Variants in NPFFR2 observed in about 807,000 individuals in gnomAD.
The protein encoded by NPFFR2 is G-protein coupled receptor 74.
Under a neutral mutation model 13.1 loss-of-function variants are expected in NPFFR2, and 15 were observed. That is an observed-to-expected ratio of 1.15 (90% CI 0.77 to 1.76). The LOEUF (loss-of-function observed/expected upper bound fraction) is 1.76, where lower values mean the gene tolerates loss of function less well. NPFFR2 is among the 40% of genes most tolerant of loss of function. The pLI, the probability that NPFFR2 is intolerant of heterozygous loss-of-function variation, is 0.00. For missense variants in NPFFR2, 572 were observed against 503.5 expected, an observed-to-expected ratio of 1.14 and a Z score of -1.30; for synonymous variants, 190 against 175.7, an observed-to-expected ratio of 1.08 and a Z score of -0.65.
At chr4:72,037,520 G>T (rs1349449511) in intron 1 of NPFFR2, among the ~76,000 whole-genome samples, 1 of 151,938 alleles carries the variant, frequency 6.6e-6, no homozygotes, top group Non-Finnish European at 1.5e-5. Flanking sequence ...GTCTTTCTAG[G>T]ATCACATCTT....
intron 1 of NPFFR2, among the ~76,000 whole-genome samples, chr4:72,038,358 T>C (rs1169422706): frequency 6.6e-6 from 1 of 152,174 alleles, no homozygotes; most frequent in Non-Finnish European, 1.5e-5. Flanking sequence ...ACAGTATGCT[T>C]TCATATTTAT....
chr4:72,143,781 G>A (rs1181673370), intron 3 of NPFFR2, among the ~76,000 whole-genome samples: 3 of 152,242 alleles, frequency 2.0e-5, no homozygotes, highest in East Asian at 1.9e-4. Flanking sequence ...ATTGTGCAAA[G>A]TCTTAGTTCC....
chr4:72,138,676 G>A (rs1722499110), intron 3 of NPFFR2, among the ~76,000 whole-genome samples: 1 of 152,114 alleles, frequency 6.6e-6, no homozygotes, highest in African/African-American at 2.4e-5. Flanking sequence ...GGATATTTTG[G>A]TTGGTTCCAA....
chr4:72,130,981 T>C (rs1722221212), intron 2 of NPFFR2, among the ~76,000 whole-genome samples: 1 of 151,978 alleles, frequency 6.6e-6, no homozygotes, highest in African/African-American at 2.4e-5. Context: ...GGAACGGGGA[T>C]GGAGTGGGAA....
At chr4:72,130,937 G>A (rs935936489) in intron 2 of NPFFR2, among the ~76,000 whole-genome samples, 1 of 152,146 alleles carries the variant, frequency 6.6e-6, no homozygotes, top group Non-Finnish European at 1.5e-5. Context: ...ATTTTATTGA[G>A]CGGTGGAAGT....
chr4:72,057,022 CATG>C (rs1719769818), intron 1 of NPFFR2, among the ~76,000 whole-genome samples: 1 of 151,850 alleles, frequency 6.6e-6, no homozygotes. Flanking sequence ...ATATAAATGA[CATG>C]AGTAAAACCA....
intron 2 of NPFFR2, among the ~76,000 whole-genome samples, chr4:72,133,206 A>G (rs1722305410): frequency 6.6e-6 from 1 of 152,106 alleles, no homozygotes; most frequent in Non-Finnish European, 1.5e-5. Flanking sequence ...TGTGGTTTCA[A>G]TCTTCTGCAC....
intron 1 of NPFFR2, among the ~76,000 whole-genome samples, chr4:72,117,815 A>G (rs1721755430): frequency 6.6e-6 from 1 of 152,222 alleles, no homozygotes; most frequent in Non-Finnish European, 1.5e-5. Context: ...TTCGGTACCC[A>G]GTCCTTGAGA....
intron 1 of NPFFR2, among the ~76,000 whole-genome samples, chr4:72,058,985 G>A (rs1306554601): frequency 6.6e-6 from 1 of 152,032 alleles, no homozygotes; most frequent in Non-Finnish European, 1.5e-5. Flanking sequence ...GTACTTCTTT[G>A]TTGTTGAGGA....
chr4:72,060,408 C>T (rs548588569), intron 1 of NPFFR2, among the ~76,000 whole-genome samples: 62 of 152,140 alleles, frequency 4.1e-4, no homozygotes, highest in African/African-American at 1.4e-3. Flanking sequence ...CAGAATATAA[C>T]CATACCCAAG....
intron 1 of NPFFR2, among the ~76,000 whole-genome samples, chr4:72,037,922 T>C (rs1016469353): frequency 1.1e-4 from 16 of 152,232 alleles, no homozygotes; most frequent in Non-Finnish European, 1.5e-5. Context: ...CTGAGCTTGC[T>C]TTTGATATTT....
At chr4:72,137,565 C>A (rs1722456074) in intron 2 of NPFFR2, among the ~76,000 whole-genome samples, 1 of 152,038 alleles carries the variant, frequency 6.6e-6, no homozygotes, top group Non-Finnish European at 1.5e-5. Flanking sequence ...TTTTGGGGTG[C>A]CTTTCCAAAC....
chr4:72,058,102 G>A (rs920483134), intron 1 of NPFFR2, among the ~76,000 whole-genome samples: 1 of 152,050 alleles, frequency 6.6e-6, no homozygotes, highest in East Asian at 1.9e-4. Flanking sequence ...TTTGAGTAAG[G>A]TCTTTGGGTA....
intron 2 of NPFFR2, among the ~76,000 whole-genome samples, chr4:72,137,717 G>T (rs890598409): frequency 6.6e-6 from 1 of 152,082 alleles, no homozygotes; most frequent in Non-Finnish European, 1.5e-5. Context: ...TGTAATATTT[G>T]TTTATTTGTT....
chr4:72,032,601 G>A (rs1718955039), intron 1 of NPFFR2, among the ~76,000 whole-genome samples: 1 of 152,236 alleles, frequency 6.6e-6, no homozygotes, highest in African/African-American at 2.4e-5. Context: ...TGATCTTTGT[G>A]TATCTGAGGC....
At chr4:72,127,385 A>G (rs1722088176) in intron 1 of NPFFR2, among the ~76,000 whole-genome samples, 5 of 68,112 alleles carry the variant, frequency 7.3e-5, no homozygotes, top group Non-Finnish European at 2.5e-5. Flanking sequence ...TTTTTTTGAG[A>G]CGGAGTCTCG....
intron 1 of NPFFR2, among the ~76,000 whole-genome samples, chr4:72,084,090 C>T (rs778319288): frequency 1.7e-4 from 26 of 152,138 alleles, no homozygotes; most frequent in African/African-American, 6.3e-4. Context: ...CACTTCTTAA[C>T]GACTTTCCTG....
chr4:72,118,885 A>T (rs1162460376), intron 1 of NPFFR2, among the ~76,000 whole-genome samples: 1 of 152,152 alleles, frequency 6.6e-6, no homozygotes, highest in Non-Finnish European at 1.5e-5. Context: ...TTCAACAGAA[A>T]AATAAATATT....
At chr4:72,080,100 T>C (rs1720562742) in intron 1 of NPFFR2, among the ~76,000 whole-genome samples, 2 of 152,118 alleles carry the variant, frequency 1.3e-5, no homozygotes, top group Admixed American at 1.3e-4. Context: ...TCTCTAAAGT[T>C]CTGGGACCAA....
Sources: allele counts gnomAD v4.1 joint callset (sites outside exome capture counted in the v4.1 genomes callset), GRCh38; gene constraint gnomAD v4.1.1; transcripts MANE v1.5; gene names NCBI Gene and HGNC (gene_info 2026-07-23, HGNC 2026-07-21).